Variants in PTPRG observed in about 807,000 individuals in gnomAD.
The protein encoded by PTPRG is protein tyrosine phosphatase receptor type G.
Under a neutral mutation model 165.3 loss-of-function variants are expected in PTPRG, and 102 were observed. The observed-to-expected ratio is 0.62, with a 90% CI of 0.53 to 0.73. The LOEUF (loss-of-function observed/expected upper bound fraction) is 0.73. Ranked by LOEUF, PTPRG falls within the 30% of genes least tolerant of loss-of-function variation. The pLI, the probability that PTPRG is intolerant of heterozygous loss-of-function variation, is 0.00. For synonymous variants in PTPRG, 675 were observed against 669.5 expected (o/e 1.01, Z -0.13); for missense variants, 1,866 against 1,861.4 (o/e 1.00, Z -0.05).
At chr3:62,173,025 A>G (rs1043077324) in intron 8 of PTPRG, among the ~76,000 whole-genome samples, 14 of 152,220 alleles carry the variant, frequency 9.2e-5, no homozygotes, top group Non-Finnish European at 1.3e-4. Flanking sequence ...CTTGTGGGAC[A>G]TTGGTTCCAG....
At chr3:62,148,517 T>C (rs1284058416) in intron 6 of PTPRG, among the ~76,000 whole-genome samples, 2 of 152,186 alleles carry the variant, frequency 1.3e-5, no homozygotes, top group Non-Finnish European at 2.9e-5. Flanking sequence ...CCTAGCACTT[T>C]GGGAGGCCGA....
rs765834371 is a variant in PTPRG at position 62,271,347 on chromosome 3, C to T, written c.3010-36C>T. The T allele has an allele frequency of 3.9e-6, 6 of 1,535,790 alleles. No individual in the cohort carries two copies. The African/African-American group carries it at 4.1e-5, about 11-fold the overall frequency. On this transcript the variant is annotated intron_variant, in intron 20 of 29. Transcript: ENST00000474889. The surrounding 1 kb of genome is among the most constrained non-coding windows in gnomAD (Gnocchi z 4.1). Reference sequence around the variant, plus strand: ...TATTTTTTTCCAGAATGTCCACCCCCCCGCTTAAAGACATCTTTTTTCACT... The same window carrying T: ...TATTTTTTTCCAGAATGTCCACCCCTCCGCTTAAAGACATCTTTTTTCACT...
chr3:61,710,026 C>T (rs753164229), intron 1 of PTPRG, among the ~76,000 whole-genome samples: 4 of 152,154 alleles, frequency 2.6e-5, no homozygotes, highest in African/African-American at 4.8e-5. Context: ...CCAGTACTTC[C>T]GGGTGTTTGC....
In PTPRG at chr3:61,748,941, G is replaced by A. The variant is rs1460443941; in HGVS notation, c.149G>A (p.Arg50His). Residue 50 changes from arginine (R) to histidine (H), a missense_variant, in exon 2 of 30, where the codon CGC becomes CAC. Physicochemically the swap from Arg to His is conservative, Grantham distance 29. Transcript: ENST00000474889. Reference protein sequence around the residue: ...ENRHGSAVQIRRRKASGDPYW... With the variant: ...ENRHGSAVQIHRRKASGDPYW... ...AGACACGGCAGCGCAGTGCAGATCC[G>A]CAGGCGCAAGGCTTCAGGCGACCCG... The A allele has an allele frequency of 1.9e-6, 3 of 1,611,870 alleles. No homozygotes were observed. The highest frequency in any genetic ancestry group is 1.1e-5 in the South Asian group (1 of 90,652).
intron 2 of PTPRG, among the ~76,000 whole-genome samples, chr3:61,814,724 T>A (rs1217336494): frequency 5.9e-5 from 9 of 151,592 alleles, no homozygotes; most frequent in African/African-American, 1.9e-4. Flanking sequence ...AGGATATTGC[T>A]CTTGCTTTCT....
Position 61,973,504 on chromosome 3 carries a change from A to G in PTPRG, c.191-16121A>G, listed in dbSNP as rs1049399673. On this transcript the variant is annotated intron_variant, in intron 2 of 29. Transcript: ENST00000474889. ...TTCCTATTAATCGTATTTTTTATGCATCTTGCCAAATAGGACTCTTCATTG... is the reference window on the plus strand; with the variant it reads ...TTCCTATTAATCGTATTTTTTATGCGTCTTGCCAAATAGGACTCTTCATTG... Among the ~76,000 whole-genome samples the G allele has an allele frequency of 1.4e-4, 21 of 152,230 alleles. No individual in the cohort carries two copies. In the East Asian group the frequency reaches 1.9e-3, roughly 14 times the overall value.
At chr3:62,094,479 C>T (rs547445943) in intron 5 of PTPRG, among the ~76,000 whole-genome samples, 13 of 152,296 alleles carry the variant, frequency 8.5e-5, no homozygotes, top group Admixed American at 3.3e-4. Flanking sequence ...GTGAGAGCTT[C>T]GTGTTTTCCA....
At chr3:62,087,416 G>T (rs915564982) in intron 5 of PTPRG, among the ~76,000 whole-genome samples, 1 of 152,118 alleles carries the variant, frequency 6.6e-6, no homozygotes, top group Non-Finnish European at 1.5e-5. Context: ...TCCTCCCCCA[G>T]ATAAATTAGT....
intron 4 of PTPRG, among the ~76,000 whole-genome samples, chr3:62,027,086 C>T (rs1416615466): frequency 1.3e-5 from 2 of 150,702 alleles, no homozygotes; most frequent in Non-Finnish European, 3.0e-5. Context: ...TAAATTCTCT[C>T]CCCGTGCCCT....
intron 5 of PTPRG, among the ~76,000 whole-genome samples, chr3:62,103,135 CTCA>C (rs923027396): frequency 7.3e-5 from 11 of 151,584 alleles, no homozygotes; most frequent in African/African-American, 2.7e-4. Context: ...TCAGCTGTTC[CTCA>C]TCAAGTTTTT....
Position 61,732,708 on chromosome 3 carries a change from CAAAA to C in PTPRG, c.86-16169_86-16166del, listed in dbSNP as rs1331611169. Among the ~76,000 whole-genome samples, 4 of 124,546 alleles carry C rather than the reference CAAAA, an allele frequency of 3.2e-5. 1 individual carries two copies. The highest frequency in any genetic ancestry group is 3.1e-5 in the African/African-American group (1 of 32,490). The allele number at this position is 124,546 out of a possible 152,430, so 81.7% of individuals were successfully genotyped here. A position where few individuals can be genotyped will look rare whatever the true frequency, so the allele number is the denominator to read the frequency against. On this transcript the variant is annotated intron_variant, in intron 1 of 29. Coordinates refer to ENST00000474889, the MANE Select transcript of PTPRG (RefSeq NM_002841.4). ...TGGGTGACAGAGCGAGACTCCGTCT[CAAAA>C]TAAATAAATAAATAAATAAATAAAT...
At position 62,050,557 on chromosome 3, in the gene PTPRG, A is replaced by G. The variant is rs566582395; in HGVS notation, c.520-27606A>G. The stretch of plus-strand genomic sequence containing the variant: ...TTGAAAGTTGCTTGAGAGATGGCCG[A>G]GTGGCCATGTTTTTTAAATAAGGAA... On this transcript the variant is annotated intron_variant, in intron 4 of 29. Coordinates refer to ENST00000474889, the MANE Select transcript of PTPRG (RefSeq NM_002841.4). Among the ~76,000 whole-genome samples the G allele has an allele frequency of 1.1e-4, 16 of 152,300 alleles. No homozygotes were observed. The South Asian group carries it at 2.5e-3, about 24-fold the overall frequency.
intron 2 of PTPRG, among the ~76,000 whole-genome samples, chr3:61,842,440 C>T (rs2036663590): frequency 1.3e-5 from 2 of 152,160 alleles, no homozygotes; most frequent in South Asian, 4.1e-4. Context: ...TTTAGGAAGA[C>T]AGTTCAGATT....
At chr3:61,920,437 C>G (rs112007177) in intron 2 of PTPRG, among the ~76,000 whole-genome samples, 106 of 152,244 alleles carry the variant, frequency 7.0e-4, no homozygotes, top group African/African-American at 2.4e-3. Context: ...TGCTCTGTTG[C>G]CAGGCTGGAG....
chr3:61,762,931 C>T (rs1462443999), intron 2 of PTPRG, among the ~76,000 whole-genome samples: 1 of 152,116 alleles, frequency 6.6e-6, no homozygotes, highest in Non-Finnish European at 1.5e-5. Flanking sequence ...GTGTTCTTAA[C>T]ATGGCTTCCA....
At position 62,295,660 on chromosome 3, in the gene PTPRG, T is replaced by A. The variant is rs1362231924; in HGVS notation, c.*2353T>A. 6.6e-6 allele frequency: 1 copy of A among 152,106 alleles called. No homozygotes were observed. The highest frequency in any genetic ancestry group is 1.5e-5 in the Non-Finnish European group (1 of 68,002). The allele number at this position is 152,106 out of a possible 1,614,324, so 9.4% of individuals were successfully genotyped here. ...GAGTTTAGAAGTTCCCTGTGAGCAATCTGTGTGTCTTCAGCGAGCTTGAAC... is the reference window on the plus strand; with the variant it reads ...GAGTTTAGAAGTTCCCTGTGAGCAAACTGTGTGTCTTCAGCGAGCTTGAAC... On this transcript the variant is annotated 3_prime_UTR_variant, in exon 30 of 30. Coordinates refer to ENST00000474889, the MANE Select transcript of PTPRG (RefSeq NM_002841.4).
chr3:62,259,229 T>C (rs142107081), intron 16 of PTPRG, among the ~76,000 whole-genome samples: 1 of 152,260 alleles, frequency 6.6e-6, no homozygotes, highest in Non-Finnish European at 1.5e-5. Context: ...TGATGTATAA[T>C]AGGGAAGTCT....
intron 2 of PTPRG, among the ~76,000 whole-genome samples, chr3:61,778,847 C>T (rs893450730): frequency 4.6e-5 from 7 of 151,986 alleles, no homozygotes; most frequent in African/African-American, 1.5e-4. Context: ...ATCAGGACCA[C>T]GTGGTGGGAA....
Position 62,282,847 on chromosome 3 carries a change from G to C in PTPRG, c.4033G>C (p.Gly1345Arg), listed in dbSNP as rs771724485. The C allele has an allele frequency of 7.5e-6, 12 of 1,610,006 alleles. No individual in the cohort carries two copies. Among genetic ancestry groups the C allele is most frequent in the Non-Finnish European group, 1.0e-5 (12 of 1,177,678 alleles). Residue 1345 changes from glycine (G) to arginine (R), a missense_variant, in exon 28 of 30, where the codon GGT becomes CGT. Coordinates refer to ENST00000474889, the MANE Select transcript of PTPRG (RefSeq NM_002841.4). ...CAAGGAAGAGGCCTTAACAAGGGAT[G>C]GTCCCACCATTGTTCATGATGAGTA... ...VIKEEALTRD[G>R]PTIVHDEYGA... is the part of the protein sequence containing the mutation.
Sources: allele counts gnomAD v4.1 joint callset (sites outside exome capture counted in the v4.1 genomes callset), GRCh38; gene constraint gnomAD v4.1.1; non-coding constraint Gnocchi (gnomAD v3.1); transcripts MANE v1.5; gene names NCBI Gene and HGNC (gene_info 2026-07-23, HGNC 2026-07-21).